BABAM2: variants seen among roughly 807,000 people sequenced by gnomAD.
BABAM2 encodes the protein BRISC and BRCA1-A complex member 2.
A neutral mutation model predicts 54.7 loss-of-function variants in BABAM2; 31 were observed. That is an observed-to-expected ratio of 0.57 (90% confidence interval 0.43 to 0.77). BABAM2 has a LOEUF of 0.77. BABAM2 is among the 30% of genes least tolerant of loss of function. The pLI is 0.00. For synonymous variants in BABAM2, 167 were observed against 162.9 expected (o/e 1.03, Z -0.19); for missense variants, 364 against 455.8 (o/e 0.80, Z 1.83).
chr2:28,087,321 C>T (rs1665742790), intron 6 of BABAM2, among the ~76,000 whole-genome samples: 1 of 152,128 alleles, frequency 6.6e-6, no homozygotes, highest in Non-Finnish European at 1.5e-5. Context: ...GCTGGACAGA[C>T]AGATTTTCAT....
chr2:28,167,038 TAATA>T (rs1271610525), intron 7 of BABAM2, among the ~76,000 whole-genome samples: 1 of 152,202 alleles, frequency 6.6e-6, no homozygotes, highest in Non-Finnish European at 1.5e-5. Context: ...GAGTTGCCGA[TAATA>T]TAGTGTGAAA....
intron 7 of BABAM2, among the ~76,000 whole-genome samples, chr2:28,169,384 C>T (rs1351834111): frequency 6.6e-6 from 1 of 152,150 alleles, no homozygotes; most frequent in Non-Finnish European, 1.5e-5. Context: ...TCTAGGATTT[C>T]AGTATATTAT....
intron 11 of BABAM2, among the ~76,000 whole-genome samples, chr2:28,334,686 A>T (rs1480658911): frequency 6.6e-6 from 1 of 152,182 alleles, no homozygotes; most frequent in East Asian, 1.9e-4. Context: ...GTTGCTGGGG[A>T]AATAGCAGCA....
At chr2:27,893,149 G>A (rs1665004021) in intron 1 of BABAM2, among the ~76,000 whole-genome samples, 1 of 152,062 alleles carries the variant, frequency 6.6e-6, no homozygotes, top group Non-Finnish European at 1.5e-5. Context: ...CTTTTGATGT[G>A]GCATTATTCT....
At chr2:28,291,396 C>T (rs1287640951) in intron 10 of BABAM2, among the ~76,000 whole-genome samples, 2 of 152,122 alleles carry the variant, frequency 1.3e-5, no homozygotes, top group Admixed American at 6.5e-5. Context: ...AGTTCGAGAC[C>T]AGCCTGGGCA....
intron 6 of BABAM2, among the ~76,000 whole-genome samples, chr2:28,104,622 A>T (rs1667349445): frequency 6.6e-6 from 1 of 152,126 alleles, no homozygotes; most frequent in African/African-American, 2.4e-5. Flanking sequence ...ATTGTGGAAG[A>T]CAGTGTGGCG....
At chr2:28,204,867 A>G (rs925523404) in intron 7 of BABAM2, among the ~76,000 whole-genome samples, 3 of 152,128 alleles carry the variant, frequency 2.0e-5, no homozygotes, top group Non-Finnish European at 2.9e-5. Flanking sequence ...AATACCTCGC[A>G]GCCCCCCGTA....
intron 4 of BABAM2, among the ~76,000 whole-genome samples, chr2:28,000,974 G>T (rs1673538531): frequency 6.6e-6 from 1 of 152,108 alleles, no homozygotes; most frequent in Admixed American, 6.6e-5. Flanking sequence ...TCCAGTCTTA[G>T]TATCAGCCAT....
At chr2:28,111,672 T>C (rs1396767441) in intron 6 of BABAM2, among the ~76,000 whole-genome samples, 1 of 152,214 alleles carries the variant, frequency 6.6e-6, no homozygotes, top group Non-Finnish European at 1.5e-5. Context: ...CTTTTTTTCA[T>C]CTTTGGACCC....
At chr2:28,274,688 C>T (rs901320970) in intron 10 of BABAM2, among the ~76,000 whole-genome samples, 13 of 152,176 alleles carry the variant, frequency 8.5e-5, no homozygotes, top group Non-Finnish European at 1.8e-4. Flanking sequence ...AGCGCCTGGC[C>T]CGGTGTTAGG....
intron 6 of BABAM2, among the ~76,000 whole-genome samples, chr2:28,125,303 A>T (rs13030032): frequency 0.22 from 34,018 of 151,192 alleles, 5,123 homozygotes; most frequent in East Asian, 0.54. Context: ...TATTATTATT[A>T]TTTTTTTTGA....
chr2:27,897,567 A>G (rs1200570490), intron 2 of BABAM2, among the ~76,000 whole-genome samples: 4 of 151,962 alleles, frequency 2.6e-5, no homozygotes, highest in African/African-American at 4.8e-5. Flanking sequence ...AAAGTTAACT[A>G]TACACATTAG....
At chr2:28,033,272 T>C (rs1676428198) in intron 5 of BABAM2, among the ~76,000 whole-genome samples, 1 of 152,136 alleles carries the variant, frequency 6.6e-6, no homozygotes, top group Non-Finnish European at 1.5e-5. Context: ...CTTGTTAACA[T>C]TTTTGTCATG....
At chr2:28,140,072 A>G (rs934808798) in intron 7 of BABAM2, among the ~76,000 whole-genome samples, 2 of 152,122 alleles carry the variant, frequency 1.3e-5, no homozygotes, top group African/African-American at 4.8e-5. Context: ...ATCCAACTCA[A>G]TGCTTTTCCT....
At chr2:27,894,400 G>T in intron 1 of BABAM2, 133 bp from the exon 2 acceptor site, 1 of 863,682 alleles carries the variant, frequency 1.2e-6, no homozygotes, top group Non-Finnish European at 1.8e-6. Flanking sequence ...ATTGGAAGAG[G>T]CTGCGCTAGA....
At chr2:28,022,633 C>T (rs1675357791) in intron 4 of BABAM2, among the ~76,000 whole-genome samples, 1 of 152,068 alleles carries the variant, frequency 6.6e-6, no homozygotes, top group African/African-American at 2.4e-5. Flanking sequence ...ATGTGATGTG[C>T]CCTGTGCCTA....
At chr2:28,196,530 A>C (rs1246809895) in intron 7 of BABAM2, among the ~76,000 whole-genome samples, 3 of 151,676 alleles carry the variant, frequency 2.0e-5, no homozygotes, top group African/African-American at 7.3e-5. Flanking sequence ...GAATTGACAC[A>C]CCAGTTTATC....
chr2:28,323,093 C>A (rs759411336), intron 11 of BABAM2, among the ~76,000 whole-genome samples: 1 of 152,230 alleles, frequency 6.6e-6, no homozygotes, highest in African/African-American at 2.4e-5. Flanking sequence ...GCACGCAGCT[C>A]TCTCTGCTCT....
chr2:28,082,576 C>G (rs1392466009), intron 6 of BABAM2, among the ~76,000 whole-genome samples: 1 of 152,128 alleles, frequency 6.6e-6, no homozygotes, highest in East Asian at 1.9e-4. Flanking sequence ...TAAAATAATG[C>G]CTGTGAAGCA....
Sources: gnomAD v4.1 joint callset for allele counts (sites outside exome capture counted in the v4.1 genomes callset) on GRCh38, gnomAD v4.1.1 for gene constraint, MANE v1.5 for transcripts, NCBI Gene and HGNC (gene_info 2026-07-23, HGNC 2026-07-21) for gene names.